The following PRKN variants were observed in gnomAD, a reference collection of about 807,000 sequenced individuals.
The protein encoded by PRKN is parkin RBR E3 ubiquitin protein ligase, also known as E3 ubiquitin-protein ligase parkin.
Under a neutral mutation model 59.5 loss-of-function variants are expected in PRKN, and 56 were observed. The ratio of observed to expected loss-of-function variants is 0.94; its 90% confidence interval spans 0.76 to 1.18. PRKN has a LOEUF of 1.18. Ranked by LOEUF, PRKN falls within the 50% of genes most tolerant of loss-of-function variation. PRKN has a pLI of 0.00. For synonymous variants in PRKN, 250 were observed against 222.1 expected (o/e 1.13, Z -1.12); for missense variants, 657 against 596.4 (o/e 1.10, Z -1.06).
At chr6:162,144,819 C>G (rs1045143439) in intron 4 of PRKN, among the ~76,000 whole-genome samples, 3 of 152,020 alleles carry the variant, frequency 2.0e-5, no homozygotes, top group African/African-American at 7.2e-5. Context: ...CACTGACAGG[C>G]CTTGGTGAGA....
intron 7 of PRKN, among the ~76,000 whole-genome samples, chr6:161,605,811 G>A (rs1782259873): frequency 6.6e-6 from 1 of 151,976 alleles, no homozygotes; most frequent in African/African-American, 2.4e-5. Context: ...CACCCGTCTG[G>A]ACTACCCTCT....
In PRKN at chr6:161,466,760, TGATA is replaced by T. The variant is rs1790497442; in HGVS notation, c.1084-79887_1084-79884del. ...AAGGACAGGCTTTCTGACAAGTGAT[TGATA>T]GATTTATTTCAAAGCTGTCAAGTAG... On this transcript the variant is annotated intron_variant, in intron 9 of 11. Coordinates refer to ENST00000366898, the MANE Select transcript of PRKN (RefSeq NM_004562.3). The surrounding 1 kb of genome is among the most constrained non-coding windows in gnomAD (Gnocchi z 5.0). Among the ~76,000 whole-genome samples, 1 of 152,090 alleles carries T rather than the reference TGATA, an allele frequency of 6.6e-6. No individual in the cohort carries two copies. Among genetic ancestry groups the T allele is most frequent in the East Asian group, 1.9e-4 (1 of 5,192 alleles).
chr6:162,247,849 T>C (rs934457234), intron 3 of PRKN, among the ~76,000 whole-genome samples: 1 of 152,166 alleles, frequency 6.6e-6, no homozygotes, highest in Non-Finnish European at 1.5e-5. Flanking sequence ...CCAACAATTA[T>C]TTTTGAACAC....
chr6:161,624,112 T>C (rs185224286), intron 7 of PRKN, among the ~76,000 whole-genome samples: 1 of 152,348 alleles, frequency 6.6e-6, no homozygotes, highest in East Asian at 1.9e-4. Context: ...AATAAAACTG[T>C]TAATATTTTG....
At chr6:161,987,055 T>C (rs1387192592) in intron 5 of PRKN, among the ~76,000 whole-genome samples, 1 of 152,230 alleles carries the variant, frequency 6.6e-6, no homozygotes, top group Non-Finnish European at 1.5e-5. Context: ...TTTTTATTCG[T>C]GTCTTCTTTA....
At chr6:162,700,498 A>G (rs1271334413) in intron 1 of PRKN, among the ~76,000 whole-genome samples, 2 of 152,172 alleles carry the variant, frequency 1.3e-5, no homozygotes, top group East Asian at 3.9e-4. Context: ...CCCACTTCTT[A>G]GTTGGCCTTC....
rs1018591427 is a variant in PRKN at position 161,562,250 on chromosome 6, G to A, written c.933+7105C>T. On this transcript the variant is annotated intron_variant, in intron 8 of 11. Coordinates refer to ENST00000366898, the MANE Select transcript of PRKN (RefSeq NM_004562.3). The surrounding 1 kb of genome is among the most constrained non-coding windows in gnomAD (Gnocchi z 4.3). ...CATAAATCGCCATTCTCCTCTGGAGGACCCGCCTTCTTGGCTTCCTCAACA... is the reference window on the plus strand; with the variant it reads ...CATAAATCGCCATTCTCCTCTGGAGAACCCGCCTTCTTGGCTTCCTCAACA... Among the ~76,000 whole-genome samples, 2 of 150,036 alleles carry A rather than the reference G, an allele frequency of 1.3e-5. No homozygotes were observed. The highest frequency in any genetic ancestry group is 6.6e-5 in the Admixed American group (1 of 15,116).
At chr6:162,194,227 A>T (rs1784404999) in intron 4 of PRKN, among the ~76,000 whole-genome samples, 1 of 152,248 alleles carries the variant, frequency 6.6e-6, no homozygotes, top group Non-Finnish European at 1.5e-5. Flanking sequence ...CAACAAATTG[A>T]TCATTCATTA....
intron 7 of PRKN, among the ~76,000 whole-genome samples, chr6:161,645,780 C>A (rs1355599759): frequency 6.6e-6 from 1 of 152,248 alleles, no homozygotes; most frequent in Non-Finnish European, 1.5e-5. Context: ...TGGCACTGTG[C>A]CCTCTTCAAA....
At chr6:161,439,213 A>G (rs558183775) in intron 9 of PRKN, among the ~76,000 whole-genome samples, 1 of 152,214 alleles carries the variant, frequency 6.6e-6, no homozygotes, top group Non-Finnish European at 1.5e-5. Flanking sequence ...TCTCAGAAGA[A>G]CAATGACTCA....
intron 6 of PRKN, among the ~76,000 whole-genome samples, chr6:161,851,364 T>A (rs1394321172): frequency 2.0e-5 from 3 of 152,186 alleles, no homozygotes; most frequent in Non-Finnish European, 4.4e-5. Flanking sequence ...CTGTTAATTA[T>A]AAATTGCCTA....
intron 4 of PRKN, among the ~76,000 whole-genome samples, chr6:162,182,705 C>T (rs1348447047): frequency 6.6e-6 from 1 of 152,178 alleles, no homozygotes; most frequent in African/African-American, 2.4e-5. Context: ...CATTTTATTG[C>T]ACTTTTACTT....
In PRKN at chr6:161,538,784, T is replaced by C. The variant is rs1345255655; in HGVS notation, c.1083+10070A>G. On this transcript the variant is annotated intron_variant, in intron 9 of 11. Coordinates refer to ENST00000366898, the MANE Select transcript of PRKN (RefSeq NM_004562.3). The surrounding 1 kb of genome is among the most constrained non-coding windows in gnomAD (Gnocchi z 4.2). ...AGCCCTATTACCTCCCAGGAGCTTG[T>C]AGAGAGATTTGATTGAATAACTGAT... 6.6e-6 allele frequency among the ~76,000 whole-genome samples: 1 copy of C among 152,160 alleles called. No individual in the cohort carries two copies. Among genetic ancestry groups the C allele is most frequent in the Non-Finnish European group, 1.5e-5 (1 of 68,022 alleles).
chr6:161,520,296 C>G (rs1301939878), intron 9 of PRKN, among the ~76,000 whole-genome samples: 3 of 148,250 alleles, frequency 2.0e-5, no homozygotes, highest in African/African-American at 7.5e-5. Flanking sequence ...GTGATCTCAG[C>G]TCACTGCAAC....
intron 8 of PRKN, among the ~76,000 whole-genome samples, chr6:161,557,507 C>T (rs1026963752): frequency 6.6e-6 from 1 of 152,084 alleles, no homozygotes; most frequent in Non-Finnish European, 1.5e-5. Context: ...ATGTTAAGTA[C>T]ATTAAAGGAA....
At chr6:162,292,866 CA>C (rs1354960259) in intron 2 of PRKN, among the ~76,000 whole-genome samples, 1 of 152,180 alleles carries the variant, frequency 6.6e-6, no homozygotes, top group East Asian at 1.9e-4. Flanking sequence ...CTACAGCACA[CA>C]AAAAAACCTG....
rs1237692119 is a variant in PRKN, at chr6:161,460,504, C to T, written c.1084-73627G>A. Among the ~76,000 whole-genome samples, 2 of 152,088 alleles carry T rather than the reference C, an allele frequency of 1.3e-5. No homozygotes were observed. Among genetic ancestry groups the T allele is most frequent in the Admixed American group, 6.5e-5 (1 of 15,274 alleles). On this transcript the variant is annotated intron_variant, in intron 9 of 11. Transcript: ENST00000366898. The surrounding 1 kb of genome is among the most constrained non-coding windows in gnomAD (Gnocchi z 5.0). ...AAGGGCCAGGGGACACTTCTCTGAA[C>T]CCCCGTGATCACTTGGGTTTGGGGA...
intron 1 of PRKN, among the ~76,000 whole-genome samples, chr6:162,517,384 A>G (rs1777908453): frequency 6.7e-6 from 1 of 150,300 alleles, no homozygotes. Flanking sequence ...AGTAGCTGGG[A>G]CTACAGGCAC....
chr6:162,681,393 G>C (rs1027699400), intron 1 of PRKN, among the ~76,000 whole-genome samples: 2 of 152,120 alleles, frequency 1.3e-5, no homozygotes, highest in Non-Finnish European at 2.9e-5. Context: ...TGGAGGCAGG[G>C]AACCTAAAGC....
Sources: gnomAD v4.1 joint callset for allele counts (sites outside exome capture counted in the v4.1 genomes callset) on GRCh38, gnomAD v4.1.1 for gene constraint, Gnocchi (gnomAD v3.1) non-coding constraint, MANE v1.5 for transcripts, NCBI Gene and HGNC (gene_info 2026-07-23, HGNC 2026-07-21) for gene names.